The following HSP90AA1 variants were observed in gnomAD, a reference collection of about 807,000 sequenced individuals.
The protein encoded by HSP90AA1 is heat shock protein HSP 90-alpha.
In HSP90AA1, 18 loss-of-function variants were observed where a neutral mutation model predicts 73.3. The ratio of observed to expected loss-of-function variants is 0.25; its 90% confidence interval spans 0.17 to 0.36. HSP90AA1 has a LOEUF of 0.36. Among genes scored for constraint, HSP90AA1 ranks in the 10% least tolerant of loss-of-function variants. HSP90AA1 has a pLI of 1.00. For synonymous variants in HSP90AA1, 477 were observed against 296.9 expected (o/e 1.61, Z -6.24); for missense variants, 704 against 874.2 (o/e 0.81, Z 2.45).
chr14:102,099,994 C>G (rs1008527013), intron 2 of HSP90AA1, among the ~76,000 whole-genome samples: 7 of 152,096 alleles, frequency 4.6e-5, no homozygotes, highest in African/African-American at 1.4e-4. Flanking sequence ...CAAGACCAGC[C>G]TGGGTGATAT....
At chr14:102,098,958 T>C (rs2049459981) in intron 2 of HSP90AA1, among the ~76,000 whole-genome samples, 1 of 152,226 alleles carries the variant, frequency 6.6e-6, no homozygotes, top group Non-Finnish European at 1.5e-5. Context: ...AAGTGGATTA[T>C]TAAGTAGAGC....
At chr14:102,104,148 T>A (rs1189507226) in intron 1 of HSP90AA1, among the ~76,000 whole-genome samples, 4 of 152,084 alleles carry the variant, frequency 2.6e-5, no homozygotes, top group Admixed American at 1.3e-4. Flanking sequence ...TGATCATGAA[T>A]GGAGTTGGTT....
At chr14:102,102,893 G>A (rs998545941) in intron 1 of HSP90AA1, among the ~76,000 whole-genome samples, 1 of 151,930 alleles carries the variant, frequency 6.6e-6, no homozygotes, top group Middle Eastern at 3.2e-3. Context: ...AAAAAGAAGT[G>A]GGGGGCCAGG....
chr14:102,119,718 A>C (rs2152623837), intron 1 of HSP90AA1, among the ~76,000 whole-genome samples: 1 of 152,016 alleles, frequency 6.6e-6, no homozygotes, highest in Non-Finnish European at 1.5e-5. Flanking sequence ...CGATCTCCTG[A>C]CCTTGTGCTC....
At chr14:102,134,634 CCTAAGGCAGCA>C (rs2049957788) in intron 1 of HSP90AA1, among the ~76,000 whole-genome samples, 1 of 151,988 alleles carries the variant, frequency 6.6e-6, no homozygotes, top group African/African-American at 2.4e-5. Context: ...TATTACAGCT[CCTAAGGCAGCA>C]CGTCTGGAGT....
At chr14:102,108,639 G>A (rs1382739379) in intron 1 of HSP90AA1, among the ~76,000 whole-genome samples, 9 of 150,642 alleles carry the variant, frequency 6.0e-5, no homozygotes, top group African/African-American at 2.2e-4. Context: ...GGGTTTGAGC[G>A]ATTCTCCTGC....
intron 9 of HSP90AA1, 83 bp from the exon 10 acceptor site, chr14:102,082,527 A>G (rs1196360565): frequency 2.0e-6 from 2 of 1,011,406 alleles, no homozygotes; most frequent in South Asian, 1.3e-5. Context: ...TAGAACCCAA[A>G]TTTCAATAGA....
rs2049234204 is a variant in HSP90AA1 at position 102,086,388 on chromosome 14, C to T, written c.1-10G>A. ...GGGTTTCCTCAGGCATCTGGAACGA[C>T]ACCGCGCCGGTTTAAAACCTTGCAG... On this transcript the variant is annotated splice_polypyrimidine_tract_variant and intron_variant, in intron 1 of 10. Transcript: ENST00000216281. 2 of 1,614,102 alleles carry T rather than the reference C, an allele frequency of 1.2e-6. No individual in the cohort carries two copies. Among genetic ancestry groups the T allele is most frequent in the Admixed American group, 1.7e-5 (1 of 60,016 alleles).
chr14:102,104,840 C>T (rs1296227799), intron 1 of HSP90AA1, among the ~76,000 whole-genome samples: 1 of 151,762 alleles, frequency 6.6e-6, no homozygotes, highest in Admixed American at 6.6e-5. Context: ...ATTTGTCTTC[C>T]TGTACCTGGC....
At chr14:102,087,299 C>A, upstream of HSP90AA1, 2 of 394,862 alleles carry the variant, frequency 5.1e-6, no homozygotes, top group South Asian at 2.1e-4. Flanking sequence ...CCCGCGCCGG[C>A]CTCAATGCGC....
At position 102,114,134 on chromosome 14, in the gene HSP90AA1, C is replaced by A. The variant is rs544957431; in HGVS notation, c.156-12049G>T. 5.3e-5 allele frequency among the ~76,000 whole-genome samples: 8 copies of A among 152,206 alleles called. No individual in the cohort carries two copies. The South Asian group carries it at 1.7e-3, about 32-fold the overall frequency. On this transcript the variant is annotated intron_variant, in intron 1 of 11. Transcript: ENST00000334701. ...TCATCCGAGTAGCTGGGACTACAGG[C>A]GTGCGCTAGCACACTGGGCTAATTT...
intron 1 of HSP90AA1, among the ~76,000 whole-genome samples, chr14:102,086,728 G>C (rs1357754524): frequency 1.3e-5 from 2 of 150,900 alleles, no homozygotes; most frequent in East Asian, 3.9e-4. Flanking sequence ...CGGCGGGGCC[G>C]CTCTGTTCGC....
chr14:102,088,863 G>A (rs2049310361), upstream of HSP90AA1, among the ~76,000 whole-genome samples: 1 of 151,930 alleles, frequency 6.6e-6, no homozygotes, highest in Non-Finnish European at 1.5e-5. Flanking sequence ...GAGATATAGA[G>A]GAGCCATCCA....
chr14:102,083,001 T>C (rs1275380532), intron 9 of HSP90AA1, 33 bp downstream of exon 9: 2 of 1,601,138 alleles, frequency 1.2e-6, no homozygotes, highest in East Asian at 2.2e-5. Flanking sequence ...ACCTTAGAAG[T>C]ATCAATGATC....
At chr14:102,091,470 A>G (rs2152616517), upstream of HSP90AA1, among the ~76,000 whole-genome samples, 1 of 152,088 alleles carries the variant, frequency 6.6e-6, no homozygotes, top group Admixed American at 6.5e-5. Flanking sequence ...AAAAAATACA[A>G]AAAAATTTAG....
At chr14:102,084,219 G>A (rs1363264643) in intron 6 of HSP90AA1, 180 bp downstream of exon 6, 3 of 689,712 alleles carry the variant, frequency 4.3e-6, no homozygotes, top group Non-Finnish European at 7.5e-6. Context: ...GCTAATTTTT[G>A]TAATTTAGTA....
intron 2 of HSP90AA1, among the ~76,000 whole-genome samples, chr14:102,096,273 G>A (rs2049422992): frequency 6.6e-6 from 1 of 152,176 alleles, no homozygotes; most frequent in South Asian, 2.1e-4. Context: ...TTGTTTTCTG[G>A]TTTTGTTCCA....
intron 1 of HSP90AA1, among the ~76,000 whole-genome samples, chr14:102,138,899 C>G (rs1163291387): frequency 6.6e-6 from 1 of 152,134 alleles, no homozygotes; most frequent in African/African-American, 2.4e-5. Flanking sequence ...TACATGCATA[C>G]AACTATCCCT....
intron 5 of HSP90AA1, 57 bp from the exon 6 acceptor site, chr14:102,084,621 G>A (rs2049178742): frequency 1.9e-5 from 30 of 1,614,100 alleles, no homozygotes; most frequent in South Asian, 1.6e-4. Flanking sequence ...GAAGATATTT[G>A]GGGTGGTGGA....
Sources: gnomAD v4.1 joint callset for allele counts (sites outside exome capture counted in the v4.1 genomes callset) on GRCh38, gnomAD v4.1.1 for gene constraint, MANE v1.5 for transcripts, NCBI Gene and HGNC (gene_info 2026-07-23, HGNC 2026-07-21) for gene names.